Variants in LHX8 observed in about 807,000 individuals in gnomAD.
LHX8 encodes LIM homeobox 8, also known as LIM/homeobox protein Lhx8.
In LHX8, 12 loss-of-function variants were observed where a neutral mutation model predicts 40.3. The observed-to-expected ratio is 0.30, with a 90% CI of 0.19 to 0.48. The LOEUF (loss-of-function observed/expected upper bound fraction) is 0.48. Ranked by LOEUF, LHX8 falls within the 20% of genes least tolerant of loss-of-function variation. The pLI is 0.99. For missense variants in LHX8, 344 were observed against 433.7 expected, an observed-to-expected ratio of 0.79 and a Z score of 1.84; for synonymous variants, 179 against 162.0, an observed-to-expected ratio of 1.10 and a Z score of -0.80.
At chr1:75,137,300 G>T (rs1308295745) in intron 3 of LHX8, 39 bp downstream of exon 3, 1 of 1,591,466 alleles carries the variant, frequency 6.3e-7, no homozygotes, top group South Asian at 1.1e-5. Context: ...AAGGGGAGCG[G>T]GCTTAGCGTG....
intron 8 of LHX8, among the ~76,000 whole-genome samples, chr1:75,158,125 T>C (rs1030312225): frequency 1.3e-5 from 2 of 152,244 alleles, no homozygotes; most frequent in Admixed American, 1.3e-4. Context: ...AATCTTATTT[T>C]AATTTGCCTT....
intron 8 of LHX8, 59 bp from the exon 9 acceptor site, chr1:75,160,760 T>C: frequency 1.8e-6 from 2 of 1,130,098 alleles, no homozygotes; most frequent in South Asian, 2.4e-5. Context: ...TTTGTTTGTT[T>C]ATAAATCAGT....
chr1:75,160,532 T>C, intron 8 of LHX8: 1 of 410,486 alleles, frequency 2.4e-6, no homozygotes, highest in Non-Finnish European at 4.4e-6. Flanking sequence ...GAGGAACCCA[T>C]GTCTTTCTAG....
At chr1:75,157,224 T>C in intron 8 of LHX8, 148 bp downstream of exon 8, 2 of 824,712 alleles carry the variant, frequency 2.4e-6, no homozygotes, top group Non-Finnish European at 4.0e-6. Context: ...AGAGCAAAAT[T>C]ATCCAAACAT....
Position 75,141,054 on chromosome 1 carries a change from A to T in LHX8, c.307A>T (p.Thr103Ser), listed in dbSNP as rs199843823. The change falls in exon 4 of 9, where the codon ACC (threonine) becomes TCC (serine). Residue 103 changes from threonine to serine, a missense_variant. Transcript: ENST00000356261. ...SVCRTSLGRH[T>S]SCYIKDKDIF... ...TTGCAGAACCTCCCTAGGAAGGCAC[A>T]CCAGCTGTTATATTAAAGACAAAGA... The T allele has an allele frequency of 1.4e-5, 22 of 1,613,032 alleles. No homozygotes were observed. The highest frequency in any genetic ancestry group is 1.8e-5 in the Non-Finnish European group (21 of 1,179,270).
intron 8 of LHX8, among the ~76,000 whole-genome samples, chr1:75,158,975 T>TTTA (rs1385357454): frequency 6.6e-6 from 1 of 152,164 alleles, no homozygotes; most frequent in Non-Finnish European, 1.5e-5. Context: ...TACCATGAAC[T>TTTA]TTAGCATGTC....
chr1:75,164,345 C>G (rs1570311398), downstream of LHX8, among the ~76,000 whole-genome samples: 1 of 152,134 alleles, frequency 6.6e-6, no homozygotes, highest in East Asian at 1.9e-4. Flanking sequence ...TTGGATTTAG[C>G]AGCTCAGTGA....
the LHX8 span, among the ~76,000 whole-genome samples, chr1:75,186,203 A>T: frequency 3.3e-5 from 5 of 152,240 alleles, no homozygotes; most frequent in Admixed American, 3.3e-4. Flanking sequence ...TTTAACATTC[A>T]TATGGAACCC....
intron 1 of LHX8, among the ~76,000 whole-genome samples, chr1:75,136,357 G>A (rs1648127254): frequency 6.6e-6 from 1 of 151,952 alleles, no homozygotes; most frequent in South Asian, 2.1e-4. Context: ...GAGCGCCGGA[G>A]ACCCGGAGCC....
At chr1:75,152,646 A>T (rs1162660286) in intron 7 of LHX8, among the ~76,000 whole-genome samples, 1 of 152,202 alleles carries the variant, frequency 6.6e-6, no homozygotes. Flanking sequence ...AATTTCTGGA[A>T]GGGAGATTGT....
the LHX8 span, among the ~76,000 whole-genome samples, chr1:75,168,453 C>T: frequency 6.6e-6 from 1 of 152,166 alleles, no homozygotes; most frequent in South Asian, 2.1e-4. Context: ...TCTTGAGCTC[C>T]TGATCGTAGA....
At chr1:75,185,212 T>C in the LHX8 span, among the ~76,000 whole-genome samples, 1 of 151,748 alleles carries the variant, frequency 6.6e-6, no homozygotes, top group Non-Finnish European at 1.5e-5. Flanking sequence ...ACTGAAACTA[T>C]TCCAAAAATT....
At chr1:75,140,033 TAAC>T (rs1648269375) in intron 3 of LHX8, among the ~76,000 whole-genome samples, 1 of 151,822 alleles carries the variant, frequency 6.6e-6, no homozygotes, top group African/African-American at 2.4e-5. Context: ...TGTGTCCACT[TAAC>T]AAGAGCAAAC....
At chr1:75,132,724 C>G (rs1648005055), upstream of LHX8, 1 of 150,232 alleles carries the variant, frequency 6.7e-6, no homozygotes, top group Non-Finnish European at 1.5e-5. Flanking sequence ...TCGATAGTAG[C>G]CAGACAGTAC....
At chr1:75,140,345 A>C (rs780742053) in intron 3 of LHX8, among the ~76,000 whole-genome samples, 1 of 152,182 alleles carries the variant, frequency 6.6e-6, no homozygotes, top group Non-Finnish European at 1.5e-5. Flanking sequence ...ATCAGTAAGC[A>C]GTTTTACCAA....
chr1:75,161,735 T>G (rs1557497328), downstream of LHX8, among the ~76,000 whole-genome samples: 1 of 150,706 alleles, frequency 6.6e-6, no homozygotes. Flanking sequence ...GCTAATAAAA[T>G]CAATGTGAAA....
At chr1:75,136,434 G>A (rs1648131722) in intron 1 of LHX8, among the ~76,000 whole-genome samples, 169 bp from the exon 2 acceptor site, 1 of 151,714 alleles carries the variant, frequency 6.6e-6, no homozygotes, top group East Asian at 2.0e-4. Flanking sequence ...AGGAGGCTGC[G>A]CGCCAGCCCG....
chr1:75,155,394 CT>C (rs1312710711), intron 7 of LHX8, among the ~76,000 whole-genome samples: 2 of 152,038 alleles, frequency 1.3e-5, no homozygotes, highest in Non-Finnish European at 2.9e-5. Flanking sequence ...GCCACCATGC[CT>C]GGCTAATTTT....
At chr1:75,133,145 G>C (rs542208738), upstream of LHX8, 3 of 152,330 alleles carry the variant, frequency 2.0e-5, no homozygotes, top group South Asian at 2.1e-4. Flanking sequence ...AGAGAGGACC[G>C]GCAGGGGGAT....
Sources: allele counts gnomAD v4.1 joint callset (sites outside exome capture counted in the v4.1 genomes callset), GRCh38; gene constraint gnomAD v4.1.1; transcripts MANE v1.5; gene names NCBI Gene and HGNC (gene_info 2026-07-23, HGNC 2026-07-21).